The following AUTS2 variants were observed in gnomAD, a reference collection of about 807,000 sequenced individuals.
AUTS2 encodes activator of transcription and developmental regulator AUTS2, also known as autism susceptibility gene 2 protein.
In AUTS2, 17 loss-of-function variants were observed where a neutral mutation model predicts 112.4. The ratio of observed to expected loss-of-function variants is 0.15; its 90% CI spans 0.10 to 0.23. The LOEUF (loss-of-function observed/expected upper bound fraction) is 0.23, where lower values mean the gene tolerates loss of function less well. Ranked by LOEUF, AUTS2 falls within the 10% of genes least tolerant of loss-of-function variation. The pLI is 1.00. For synonymous variants in AUTS2, 751 were observed against 702.7 expected (o/e 1.07, Z -1.09); for missense variants, 1,510 against 1,701.6 (o/e 0.89, Z 1.98).
chr7:70,782,770 C>T (rs569292622), intron 15 of AUTS2: 2 of 152,362 alleles, frequency 1.3e-5, no homozygotes, highest in South Asian at 2.1e-4. Flanking sequence ...GCTGCCACCC[C>T]AGGCTTTTAT....
At chr7:70,313,719 C>G (rs1325291636) in intron 4 of AUTS2, among the ~76,000 whole-genome samples, 1 of 152,190 alleles carries the variant, frequency 6.6e-6, no homozygotes, top group Non-Finnish European at 1.5e-5. Flanking sequence ...TTGGATGTAA[C>G]AGATTCATGG....
At chr7:70,074,233 G>A (rs529180345) in intron 2 of AUTS2, among the ~76,000 whole-genome samples, 60 of 152,308 alleles carry the variant, frequency 3.9e-4, no homozygotes, top group Admixed American at 2.3e-3. Context: ...CTGGAAAGAA[G>A]TAACGGGTGG....
At chr7:70,083,965 A>G (rs773161693) in intron 2 of AUTS2, among the ~76,000 whole-genome samples, 4 of 151,822 alleles carry the variant, frequency 2.6e-5, no homozygotes, top group Admixed American at 6.6e-5. Flanking sequence ...AAAAATGAAT[A>G]TATCCATCAC....
intron 5 of AUTS2, among the ~76,000 whole-genome samples, chr7:70,542,342 T>G (rs2129505691): frequency 6.6e-6 from 1 of 152,362 alleles, no homozygotes; most frequent in Non-Finnish European, 1.5e-5. Flanking sequence ...GAGTTGCACC[T>G]AGACCCCAAG....
intron 2 of AUTS2, among the ~76,000 whole-genome samples, chr7:69,916,122 T>C (rs1357146946): frequency 3.3e-5 from 5 of 152,274 alleles, no homozygotes; most frequent in Non-Finnish European, 7.3e-5. Flanking sequence ...GTTTCTAATT[T>C]ACTATCAAGT....
At chr7:70,062,212 A>G (rs908194383) in intron 2 of AUTS2, among the ~76,000 whole-genome samples, 2 of 152,062 alleles carry the variant, frequency 1.3e-5, no homozygotes, top group African/African-American at 4.8e-5. Context: ...CCTTCTATAG[A>G]AATAAGACAC....
chr7:69,977,841 C>G (rs1584518122), intron 2 of AUTS2, among the ~76,000 whole-genome samples: 2 of 152,162 alleles, frequency 1.3e-5, no homozygotes, highest in Non-Finnish European at 2.9e-5. Flanking sequence ...AAAATGAAAA[C>G]TCCTGGAGAA....
At chr7:70,369,175 G>A (rs926974559) in intron 4 of AUTS2, among the ~76,000 whole-genome samples, 1 of 152,218 alleles carries the variant, frequency 6.6e-6, no homozygotes, top group Admixed American at 6.5e-5. Context: ...TGCAGGGAGA[G>A]AATATGAGAG....
chr7:70,606,904 T>C (rs1430246438), intron 5 of AUTS2, among the ~76,000 whole-genome samples: 1 of 150,994 alleles, frequency 6.6e-6, no homozygotes, highest in African/African-American at 2.4e-5. Flanking sequence ...GGACTTCTCA[T>C]ACACGTGCGC....
intron 1 of AUTS2, among the ~76,000 whole-genome samples, chr7:69,636,003 T>C (rs772854293): frequency 1.9e-4 from 29 of 152,246 alleles, no homozygotes; most frequent in Non-Finnish European, 3.8e-4. Context: ...GAACTGGTTG[T>C]AGCAGAGACA....
chr7:70,355,130 A>T (rs759481307), intron 4 of AUTS2, among the ~76,000 whole-genome samples: 2 of 151,482 alleles, frequency 1.3e-5, no homozygotes, highest in Non-Finnish European at 2.9e-5. Flanking sequence ...GTGTGTATAT[A>T]TACGGAGAGA....
intron 4 of AUTS2, among the ~76,000 whole-genome samples, chr7:70,357,756 G>T (rs1210560557): frequency 1.3e-5 from 2 of 152,198 alleles, no homozygotes; most frequent in East Asian, 3.9e-4. Context: ...GGGAATTACT[G>T]TAATTTAATA....
intron 3 of AUTS2, among the ~76,000 whole-genome samples, chr7:70,125,245 ATGTGTGTGTGTGTG>A (rs59747508): frequency 4.6e-4 from 66 of 144,906 alleles, no homozygotes; most frequent in Middle Eastern, 3.6e-3. Flanking sequence ...TTATTTGGAG[ATGTGTGTGTGTGTG>A]TGTGTGTGTG....
At chr7:70,138,228 C>A (rs991946792) in intron 4 of AUTS2, among the ~76,000 whole-genome samples, 6 of 152,028 alleles carry the variant, frequency 3.9e-5, no homozygotes, top group Non-Finnish European at 8.8e-5. Flanking sequence ...TCCTTTCTGA[C>A]AAGAAAAAGA....
At chr7:69,904,416 G>T (rs113767684) in intron 2 of AUTS2, among the ~76,000 whole-genome samples, 1 of 152,148 alleles carries the variant, frequency 6.6e-6, no homozygotes, top group Non-Finnish European at 1.5e-5. Context: ...AGTTTTGGAT[G>T]GAAATCTAGG....
chr7:70,766,318 C>T lies in AUTS2; in HGVS notation c.1673C>T (p.Thr558Met), dbSNP rs552275264. 29 of 1,614,094 alleles carry T rather than the reference C, an allele frequency of 1.8e-5. No homozygotes were observed. Among genetic ancestry groups the T allele is most frequent in the Non-Finnish European group, 2.3e-5 (27 of 1,180,028 alleles). Residue 558 changes from threonine (T) to methionine (M), a missense_variant, in exon 9 of 19, where the codon ACG becomes ATG. Around this residue, in one of 3 missense-constraint regions of AUTS2, gnomAD observed 187 missense variants for 309.7 expected, o/e 0.60. Coordinates refer to ENST00000342771, the MANE Select transcript of AUTS2 (RefSeq NM_015570.4). The surrounding 1 kb of genome is among the most constrained non-coding windows in gnomAD (Gnocchi z 4.8). ...HAIPPTAIMPTPAPPMFDKYP... is the reference protein window; with the variant it reads ...HAIPPTAIMPMPAPPMFDKYP... The stretch of plus-strand genomic sequence containing the variant: ...ATCCCACCCACCGCCATCATGCCGA[C>T]GCCAGCACCTCCCATGGTGCGTACC...
At chr7:69,601,104 A>G (rs981149484) in intron 1 of AUTS2, among the ~76,000 whole-genome samples, 5 of 151,826 alleles carry the variant, frequency 3.3e-5, no homozygotes, top group Non-Finnish European at 7.4e-5. Context: ...TTAACCGCCT[A>G]ATTTCCTCCC....
At chr7:70,386,737 A>G (rs1395442411) in intron 4 of AUTS2, among the ~76,000 whole-genome samples, 1 of 152,124 alleles carries the variant, frequency 6.6e-6, no homozygotes, top group Non-Finnish European at 1.5e-5. Flanking sequence ...ACTTTTACCT[A>G]CATTACCCTT....
rs1025410331 is a variant in AUTS2 at position 70,676,238 on chromosome 7, C to T, written c.691-22331C>T. On this transcript the variant is annotated intron_variant, in intron 5 of 18. Transcript: ENST00000342771. ...GGAGGATCACTTGAGGCCAGGAGTT[C>T]GAGACCAGCCTGGGCAACATGGAAA... is the stretch of plus-strand genomic sequence containing the variant. Among the ~76,000 whole-genome samples the T allele has an allele frequency of 5.0e-4, 76 of 151,688 alleles. 1 individual carries two copies. The highest frequency in any genetic ancestry group is 1.6e-3 in the African/African-American group (66 of 41,230).
Sources: gnomAD v4.1 joint callset for allele counts (sites outside exome capture counted in the v4.1 genomes callset) on GRCh38, gnomAD v4.1.1 for gene constraint, gnomAD v4.1.1 regional missense constraint, Gnocchi (gnomAD v3.1) non-coding constraint, MANE v1.5 for transcripts, NCBI Gene and HGNC (gene_info 2026-07-23, HGNC 2026-07-21) for gene names.